DMXL1: variants seen among roughly 807,000 people sequenced by gnomAD.
DMXL1 encodes Dmx like 1.
Under a neutral mutation model 319.2 loss-of-function variants are expected in DMXL1, and 99 were observed. The ratio of observed to expected loss-of-function variants is 0.31; its 90% CI spans 0.26 to 0.37. DMXL1 has a LOEUF of 0.37. DMXL1 is among the 10% of genes least tolerant of loss of function. The pLI, the probability that DMXL1 is intolerant of heterozygous loss-of-function variation, is 1.00. For missense variants in DMXL1, 3,745 were observed against 3,595.6 expected (o/e 1.04, Z -1.06); for synonymous variants, 1,385 against 1,235.2 (o/e 1.12, Z -2.54).
chr5:119,202,883 T>TTTATATATATATATATATATA (rs1781004815), intron 32 of DMXL1, among the ~76,000 whole-genome samples: 6 of 71,534 alleles, frequency 8.4e-5, no homozygotes, highest in East Asian at 1.2e-3. Context: ...ATATATATAT[T>TTTATATATATATATATATATA]TTTATATATA....
At chr5:119,231,249 T>A (rs796193101) in intron 38 of DMXL1, among the ~76,000 whole-genome samples, 44 of 152,310 alleles carry the variant, frequency 2.9e-4, no homozygotes, top group African/African-American at 8.9e-4. Flanking sequence ...AAGCACAGGT[T>A]CTGGGTCCAT....
rs1774324122 is a variant in DMXL1 at position 119,170,472 on chromosome 5, CT to C, written c.5683del (p.Ser1895LeufsTer16). ...AAGAAAACAAGACCTTTTTATAGGGCTTCTAGTTTTCTGGATACTAGTAAAG... is the reference window on the plus strand; with the variant it reads ...AAGAAAACAAGACCTTTTTATAGGGCTCTAGTTTTCTGGATACTAGTAAAG... ...VIKKTRPFYRASSFLDTSKDC... is the reference protein window; with the variant it reads ...VIKKTRPFYRXSSFLDTSKDC... On this transcript the variant is annotated frameshift_variant, in exon 24 of 44. Coordinates refer to ENST00000539542, the MANE Select transcript of DMXL1 (RefSeq NM_001290321.3). LOFTEE classifies it high-confidence loss of function. 1 of 1,613,582 alleles carries C rather than the reference CT, an allele frequency of 6.2e-7. No homozygotes were observed. The highest frequency in any genetic ancestry group is 1.3e-5 in the African/African-American group (1 of 74,876).
chr5:119,208,394 A>C (rs544804829), intron 34 of DMXL1, among the ~76,000 whole-genome samples: 1 of 151,870 alleles, frequency 6.6e-6, no homozygotes, highest in Non-Finnish European at 1.5e-5. Context: ...TTGTATTTTT[A>C]ATAGAGACAG....
chr5:119,242,542 T>G (rs1431154648), intron 42 of DMXL1, among the ~76,000 whole-genome samples: 1 of 152,226 alleles, frequency 6.6e-6, no homozygotes, highest in Non-Finnish European at 1.5e-5. Context: ...CAGTTCGTCT[T>G]GATTTTATAG....
At chr5:119,086,782 A>G (rs113813607) in intron 1 of DMXL1, among the ~76,000 whole-genome samples, 4,919 of 151,882 alleles carry the variant, frequency 0.032, 248 homozygotes, top group African/African-American at 0.11. Flanking sequence ...TAGAGTTGGT[A>G]TTAGTTCTTT....
At chr5:119,184,835 G>A (rs576758147) in intron 28 of DMXL1, among the ~76,000 whole-genome samples, 10 of 152,148 alleles carry the variant, frequency 6.6e-5, no homozygotes, top group East Asian at 3.9e-4. Flanking sequence ...TGAATGTTCC[G>A]TTGTGTGTGT....
At chr5:119,093,152 C>A (rs902892861) in intron 1 of DMXL1, among the ~76,000 whole-genome samples, 1 of 151,706 alleles carries the variant, frequency 6.6e-6, no homozygotes, top group Non-Finnish European at 1.5e-5. Context: ...GTCTCTGTGT[C>A]GCATTTTGGT....
intron 28 of DMXL1, among the ~76,000 whole-genome samples, chr5:119,187,691 C>G (rs1036822871): frequency 6.6e-6 from 1 of 152,142 alleles, no homozygotes; most frequent in Non-Finnish European, 1.5e-5. Flanking sequence ...GAGATGAAGT[C>G]TTGCTCTGTT....
At chr5:119,191,285 T>G (rs1447487837) in intron 29 of DMXL1, among the ~76,000 whole-genome samples, 1 of 152,216 alleles carries the variant, frequency 6.6e-6, no homozygotes, top group African/African-American at 2.4e-5. Context: ...ATTCTCAATT[T>G]CCAGACGTTC....
intron 6 of DMXL1, 100 bp from the exon 7 acceptor site, chr5:119,116,058 C>G (rs1371567660): frequency 2.8e-5 from 31 of 1,115,788 alleles, no homozygotes; most frequent in Non-Finnish European, 3.4e-5. Context: ...TTCCCATCCC[C>G]AAGTTCTTGC....
At chr5:119,234,679 T>G (rs1787403115) in intron 39 of DMXL1, among the ~76,000 whole-genome samples, 2 of 152,164 alleles carry the variant, frequency 1.3e-5, no homozygotes, top group African/African-American at 2.4e-5. Flanking sequence ...GTATTCTCTA[T>G]CAATGTGCTT....
At chr5:119,123,130 G>A (rs555106670) in intron 9 of DMXL1, among the ~76,000 whole-genome samples, 103 of 152,068 alleles carry the variant, frequency 6.8e-4, no homozygotes, top group Admixed American at 2.2e-3. Context: ...GCGAAATCCC[G>A]TCTCCACCAA....
At chr5:119,190,915 C>G (rs1334402430) in intron 29 of DMXL1, among the ~76,000 whole-genome samples, 1 of 152,134 alleles carries the variant, frequency 6.6e-6, no homozygotes, top group African/African-American at 2.4e-5. Flanking sequence ...TTGTTTAAGG[C>G]ACAGAAGAAA....
intron 28 of DMXL1, 82 bp from the exon 29 acceptor site, chr5:119,189,626 A>T: frequency 7.8e-7 from 1 of 1,283,186 alleles, no homozygotes; most frequent in Non-Finnish European, 1.1e-6. Flanking sequence ...ATTTGTAGTT[A>T]ACCTTAGCTC....
chr5:119,103,623 A>G (rs1326185451), intron 3 of DMXL1, among the ~76,000 whole-genome samples: 1 of 152,216 alleles, frequency 6.6e-6, no homozygotes, highest in African/African-American at 2.4e-5. Flanking sequence ...AATAGTGTTC[A>G]CACTTCTGAT....
chr5:119,129,403 C>G lies in DMXL1; in HGVS notation c.1295C>G (p.Ala432Gly). ...GCCAGTGTAGAAGATTCTAATCAGG[C>G]AGATGTAAAATCTGATGAAGGTAAA... The part of the protein sequence containing the change: ...SEASVEDSNQ[A>G]DVKSDEETDD... Residue 432 changes from alanine to glycine, a missense_variant, in exon 10 of 44, where the codon GCA becomes GGA. Ala to Gly is a moderately conservative substitution (Grantham distance 60). This residue lies in a region of DMXL1 where 2,096 missense variants were observed against 1,985.4 expected (regional missense o/e 1.06). Coordinates refer to ENST00000539542, the MANE Select transcript of DMXL1 (RefSeq NM_001290321.3). 6.2e-7 allele frequency: 1 copy of G among 1,608,070 alleles called. No homozygotes were observed. Among genetic ancestry groups the G allele is most frequent in the Non-Finnish European group, 8.5e-7 (1 of 1,178,166 alleles).
At chr5:119,152,624 A>G (rs1313828551) in intron 19 of DMXL1, among the ~76,000 whole-genome samples, 2 of 152,198 alleles carry the variant, frequency 1.3e-5, no homozygotes, top group African/African-American at 2.4e-5. Flanking sequence ...GCATAACGTA[A>G]TAGATTCTTA....
At chr5:119,125,955 T>C (rs1763461523) in intron 9 of DMXL1, among the ~76,000 whole-genome samples, 1 of 152,116 alleles carries the variant, frequency 6.6e-6, no homozygotes, top group African/African-American at 2.4e-5. Context: ...CTTTTTTTCA[T>C]GTGTGTTTTT....
intron 9 of DMXL1, 58 bp downstream of exon 9, chr5:119,121,197 A>G: frequency 6.0e-6 from 8 of 1,340,770 alleles, no homozygotes; most frequent in Non-Finnish European, 7.0e-6. Context: ...TTTTATAACA[A>G]CTAAGTTATA....
Sources: allele counts gnomAD v4.1 joint callset (sites outside exome capture counted in the v4.1 genomes callset), GRCh38; gene constraint gnomAD v4.1.1; regional missense constraint gnomAD v4.1.1; transcripts MANE v1.5; gene names NCBI Gene and HGNC (gene_info 2026-07-23, HGNC 2026-07-21).